The following ATP6V1H variants were observed in gnomAD, a reference collection of about 807,000 sequenced individuals.
The protein encoded by ATP6V1H is ATPase H+ transporting V1 subunit H.
A neutral mutation model predicts 71.7 loss-of-function variants in ATP6V1H; 39 were observed. The observed-to-expected ratio is 0.54, with a 90% CI of 0.42 to 0.71. The LOEUF (loss-of-function observed/expected upper bound fraction) is 0.71, where lower values mean the gene tolerates loss of function less well. ATP6V1H is among the 30% of genes least tolerant of loss of function. The pLI is 0.00. For synonymous variants in ATP6V1H, 192 were observed against 199.3 expected (o/e 0.96, Z 0.31); for missense variants, 509 against 594.9 (o/e 0.86, Z 1.50).
intron 12 of ATP6V1H, among the ~76,000 whole-genome samples, chr8:53,744,678 A>G (rs1485678327): frequency 5.3e-5 from 8 of 152,170 alleles, no homozygotes; most frequent in Non-Finnish European, 1.5e-5. Context: ...ATACCTTTTC[A>G]TATTTTATTC....
chr8:53,808,733 A>C (rs1190128370), intron 7 of ATP6V1H, among the ~76,000 whole-genome samples: 4 of 151,856 alleles, frequency 2.6e-5, no homozygotes, highest in Non-Finnish European at 4.4e-5. Flanking sequence ...CCTGGGAGGC[A>C]GAAGTTGCAG....
intron 13 of ATP6V1H, among the ~76,000 whole-genome samples, chr8:53,734,925 A>C (rs145823363): frequency 1.1e-3 from 171 of 152,350 alleles, no homozygotes; most frequent in African/African-American, 3.7e-3. Flanking sequence ...TAGCTGTGCC[A>C]CAACTGCGAG....
At chr8:53,733,590 C>T (rs1036702878) in intron 13 of ATP6V1H, among the ~76,000 whole-genome samples, 4 of 152,266 alleles carry the variant, frequency 2.6e-5, no homozygotes, top group South Asian at 2.1e-4. Context: ...ATTTACTATC[C>T]GACAGGGGGA....
At chr8:53,732,835 C>A (rs1807072173) in intron 13 of ATP6V1H, among the ~76,000 whole-genome samples, 1 of 151,980 alleles carries the variant, frequency 6.6e-6, no homozygotes, top group African/African-American at 2.4e-5. Context: ...GGCCAGCAGC[C>A]CCCCAGGAAC....
intron 9 of ATP6V1H, among the ~76,000 whole-genome samples, chr8:53,789,544 C>T (rs1809501760): frequency 6.6e-6 from 1 of 151,936 alleles, no homozygotes; most frequent in Non-Finnish European, 1.5e-5. Context: ...TTAAAATATT[C>T]TAAATAATAC....
intron 12 of ATP6V1H, among the ~76,000 whole-genome samples, chr8:53,745,428 G>C (rs879147808): frequency 6.6e-6 from 1 of 151,806 alleles, no homozygotes; most frequent in African/African-American, 2.4e-5. Context: ...ATAAAACAAA[G>C]GACCCAAATC....
In ATP6V1H at chr8:53,755,743, T is replaced by A. The variant is rs1203851031; in HGVS notation, c.1277+812A>T. Among the ~76,000 whole-genome samples, 75 of 2,412 alleles carry A rather than the reference T, an allele frequency of 0.031. 14 individuals carry two copies. The East Asian group carries it at 0.37, about 12-fold the overall frequency. The allele number at this position is 2,412 out of a possible 152,430, so 1.6% of individuals were successfully genotyped here. A position where few individuals can be genotyped will look rare whatever the true frequency, so the allele number is the denominator to read the frequency against. Reference sequence around the variant, plus strand: ...ATATATATATATATATATATATATATATTTTTTTTTTTTTTTTTTTTTTTT... The same window carrying A: ...ATATATATATATATATATATATATAAATTTTTTTTTTTTTTTTTTTTTTTT... On this transcript the variant is annotated intron_variant, in intron 12 of 13. Coordinates refer to ENST00000359530, the MANE Select transcript of ATP6V1H (RefSeq NM_015941.4).
chr8:53,797,398 C>T (rs1257460051), intron 8 of ATP6V1H, among the ~76,000 whole-genome samples: 1 of 152,216 alleles, frequency 6.6e-6, no homozygotes, highest in Non-Finnish European at 1.5e-5. Context: ...TCTAGCAGAA[C>T]AAGCCTCATC....
chr8:53,785,994 C>G (rs886800796), intron 9 of ATP6V1H, among the ~76,000 whole-genome samples: 8 of 152,234 alleles, frequency 5.3e-5, no homozygotes, highest in African/African-American at 1.9e-4. Flanking sequence ...CAGGGACCCA[C>G]TTGAGGAGGT....
chr8:53,729,724 G>A (rs1303786866), intron 13 of ATP6V1H, among the ~76,000 whole-genome samples: 2 of 152,238 alleles, frequency 1.3e-5, no homozygotes, highest in Non-Finnish European at 2.9e-5. Context: ...AAAGGAGACA[G>A]AATTGGGTCT....
At chr8:53,784,573 T>C (rs1809299250) in intron 9 of ATP6V1H, among the ~76,000 whole-genome samples, 1 of 152,246 alleles carries the variant, frequency 6.6e-6, no homozygotes, top group Non-Finnish European at 1.5e-5. Context: ...AATTTGATCC[T>C]GTCATTATGA....
intron 13 of ATP6V1H, among the ~76,000 whole-genome samples, chr8:53,739,957 G>T (rs762088821): frequency 1.3e-5 from 2 of 152,174 alleles, no homozygotes; most frequent in Non-Finnish European, 2.9e-5. Context: ...CTCAGTCAGG[G>T]TTATTTATAA....
chr8:53,735,164 C>A (rs1324993893), intron 13 of ATP6V1H, among the ~76,000 whole-genome samples: 2 of 152,054 alleles, frequency 1.3e-5, no homozygotes, highest in Admixed American at 1.3e-4. Context: ...GTGGACTTCA[C>A]AGAAATGCCA....
chr8:53,754,547 C>A (rs1243224090), intron 12 of ATP6V1H, among the ~76,000 whole-genome samples: 2 of 152,198 alleles, frequency 1.3e-5, no homozygotes, highest in African/African-American at 4.8e-5. Context: ...AGGACAGCCT[C>A]CTTTTACAGA....
chr8:53,834,489 G>C (rs185711599), intron 2 of ATP6V1H, among the ~76,000 whole-genome samples: 4 of 152,104 alleles, frequency 2.6e-5, no homozygotes, highest in East Asian at 3.9e-4. Context: ...GCAGTGGCAC[G>C]ATCTCAGCTC....
In ATP6V1H at chr8:53,829,544, A is replaced by T; in HGVS notation, c.217-11T>A. 1 of 1,516,782 alleles carries T rather than the reference A, an allele frequency of 6.6e-7. No homozygotes were observed. The highest frequency in any genetic ancestry group is 2.3e-5 in the East Asian group (1 of 43,914). 94.0% of individuals were successfully genotyped at this position (1,516,782 alleles called of 1,614,324 possible). ...AAATGTTTTAGCACACTAAAAAAAA[A>T]AATGAAATTAAAGTTATTGTTTTTA... is the stretch of plus-strand genomic sequence containing the variant. On this transcript the variant is annotated splice_polypyrimidine_tract_variant and intron_variant, in intron 3 of 13. Coordinates refer to ENST00000359530, the MANE Select transcript of ATP6V1H (RefSeq NM_015941.4).
intron 8 of ATP6V1H, among the ~76,000 whole-genome samples, chr8:53,801,121 G>A (rs1376443592): frequency 2.0e-5 from 3 of 152,148 alleles, no homozygotes; most frequent in Non-Finnish European, 1.5e-5. Context: ...CCCTTCACAG[G>A]TATATCCTAC....
intron 2 of ATP6V1H, chr8:53,839,551 A>G (rs1424136329): frequency 3.2e-6 from 3 of 943,216 alleles, no homozygotes; most frequent in Admixed American, 6.2e-5. Context: ...AATCTAACCA[A>G]TTCTATCTAT....
chr8:53,747,400 C>A (rs562754208), intron 12 of ATP6V1H, among the ~76,000 whole-genome samples: 29 of 151,946 alleles, frequency 1.9e-4, no homozygotes, highest in Non-Finnish European at 3.7e-4. Flanking sequence ...AGGTCATTAC[C>A]GTTTTTAAAA....
Sources: gnomAD v4.1 joint callset for allele counts (sites outside exome capture counted in the v4.1 genomes callset) on GRCh38, gnomAD v4.1.1 for gene constraint, MANE v1.5 for transcripts, NCBI Gene and HGNC (gene_info 2026-07-23, HGNC 2026-07-21) for gene names.